The following CNTN4 variants were observed in gnomAD, a reference collection of about 807,000 sequenced individuals.
The protein encoded by CNTN4 is contactin-4.
In CNTN4, 77 loss-of-function variants were observed where a neutral mutation model predicts 122.5. The ratio of observed to expected loss-of-function variants is 0.63; its 90% CI spans 0.52 to 0.76. The LOEUF (loss-of-function observed/expected upper bound fraction) is 0.76, where lower values mean the gene tolerates loss of function less well. CNTN4 is among the 30% of genes least tolerant of loss of function. The pLI, the probability that CNTN4 is intolerant of heterozygous loss-of-function variation, is 0.00. For missense variants in CNTN4, 1,256 were observed against 1,259.1 expected, an observed-to-expected ratio of 1.00 and a Z score of 0.04; for synonymous variants, 512 against 447.0, an observed-to-expected ratio of 1.15 and a Z score of -1.83.
intron 3 of CNTN4, among the ~76,000 whole-genome samples, chr3:2,410,799 C>A (rs540138590): frequency 6.6e-5 from 10 of 152,188 alleles, no homozygotes; most frequent in African/African-American, 2.2e-4. Context: ...GGATAAATTA[C>A]CTCTTTCTAG....
intron 18 of CNTN4, chr3:3,037,633 C>CA (rs934247899): frequency 2.7e-4 from 104 of 385,614 alleles, no homozygotes; most frequent in East Asian, 3.4e-4. Context: ...AACAGAATTT[C>CA]AAAAAAAAAT....
Position 3,011,651 on chromosome 3 carries a change from T to C in CNTN4, c.1487-14451T>C, listed in dbSNP as rs190957045. On this transcript the variant is annotated intron_variant, in intron 14 of 24. Coordinates refer to ENST00000418658, the MANE Select transcript of CNTN4 (RefSeq NM_175607.3). ...CTAGCAACAACTTGTTTTGAGCATT[T>C]GTTACCAGTTTTAGTAGCTGTCATT... Among the ~76,000 whole-genome samples the C allele has an allele frequency of 9.2e-5, 14 of 152,302 alleles. No homozygotes were observed. The East Asian group carries it at 2.7e-3, about 29-fold the overall frequency.
At chr3:2,294,482 A>G (rs907809556) in intron 2 of CNTN4, among the ~76,000 whole-genome samples, 2 of 151,926 alleles carry the variant, frequency 1.3e-5, no homozygotes, top group Non-Finnish European at 2.9e-5. Context: ...GCATACAAAA[A>G]TTGCTGGGCA....
chr3:2,795,713 G>C (rs947677679), intron 6 of CNTN4, among the ~76,000 whole-genome samples: 3 of 151,742 alleles, frequency 2.0e-5, no homozygotes, highest in Non-Finnish European at 4.4e-5. Context: ...GTAGAGACGT[G>C]GTTTCACCGT....
chr3:2,806,012 C>T (rs1430200233), intron 6 of CNTN4, among the ~76,000 whole-genome samples: 3 of 152,144 alleles, frequency 2.0e-5, no homozygotes, highest in Non-Finnish European at 2.9e-5. Context: ...CGCCATTCTC[C>T]TGCCTCAGCC....
At chr3:2,696,728 T>G (rs1402732509) in intron 4 of CNTN4, among the ~76,000 whole-genome samples, 1 of 152,236 alleles carries the variant, frequency 6.6e-6, no homozygotes, top group Non-Finnish European at 1.5e-5. Context: ...TATGGAGGTT[T>G]GCCATTTGAG....
intron 2 of CNTN4, chr3:2,238,743 T>TC (rs1559368786): frequency 1.4e-5 from 1 of 72,602 alleles, no homozygotes; most frequent in African/African-American, 5.3e-5. Flanking sequence ...GTGTTTTTTT[T>TC]TTGAGACGGA....
Position 2,191,703 on chromosome 3 carries a change from T to C in CNTN4, c.-145+91064T>C, listed in dbSNP as rs868151713. ...TTTAACAAAATTCTATGTATATATA[T>C]ATATATACACACACACACACATACA... On this transcript the variant is annotated intron_variant, in intron 2 of 24. Coordinates refer to ENST00000418658, the MANE Select transcript of CNTN4 (RefSeq NM_175607.3). 7.5e-3 allele frequency among the ~76,000 whole-genome samples: 1,062 copies of C among 141,938 alleles called. 9 individuals are homozygous for C. The highest frequency in any genetic ancestry group is 0.028 in the East Asian group (138 of 4,862). 93.1% of individuals were successfully genotyped at this position (141,938 alleles called of 152,430 possible).
intron 2 of CNTN4, among the ~76,000 whole-genome samples, chr3:2,254,819 C>G (rs1053772420): frequency 6.6e-6 from 1 of 151,942 alleles, no homozygotes; most frequent in African/African-American, 2.4e-5. Context: ...CAAAAATTTT[C>G]TCTCATTCTA....
Position 2,709,051 on chromosome 3 carries a change from C to G in CNTN4, c.56-27164C>G, listed in dbSNP as rs1455128691. 1.3e-5 allele frequency among the ~76,000 whole-genome samples: 2 copies of G among 152,082 alleles called. No homozygotes were observed. Among genetic ancestry groups the G allele is most frequent in the Non-Finnish European group, 2.9e-5 (2 of 68,018 alleles). On this transcript the variant is annotated intron_variant, in intron 4 of 24. Coordinates refer to ENST00000418658, the MANE Select transcript of CNTN4 (RefSeq NM_175607.3). The surrounding 1 kb of genome is among the most constrained non-coding windows in gnomAD (Gnocchi z 5.0). ...ATGATATATCTCTTCTCAGATATCT[C>G]ATAGACCATCCCCCCTCTGCTGCCA...
chr3:2,996,546 AAAAC>A (rs925779762), intron 14 of CNTN4, among the ~76,000 whole-genome samples: 10 of 152,336 alleles, frequency 6.6e-5, no homozygotes, highest in South Asian at 2.1e-4. Context: ...CAGAATAAAC[AAAAC>A]AAACAAACAA....
At chr3:2,393,223 A>G (rs1280178375) in intron 3 of CNTN4, among the ~76,000 whole-genome samples, 1 of 148,938 alleles carries the variant, frequency 6.7e-6, no homozygotes, top group South Asian at 2.2e-4. Flanking sequence ...TCCTATTTTT[A>G]TGAGAATACC....
At chr3:2,941,904 C>T (rs577594171) in intron 13 of CNTN4, among the ~76,000 whole-genome samples, 2 of 152,296 alleles carry the variant, frequency 1.3e-5, no homozygotes, top group Middle Eastern at 3.4e-3. Flanking sequence ...CCTACCTGTA[C>T]GTGCCAGAGG....
intron 3 of CNTN4, among the ~76,000 whole-genome samples, chr3:2,405,443 T>C (rs1315121192): frequency 2.6e-5 from 4 of 152,048 alleles, no homozygotes; most frequent in African/African-American, 4.8e-5. Context: ...CCTCAAAAAG[T>C]AAGAGTGCAT....
chr3:2,953,414 G>A (rs1187946685), intron 13 of CNTN4, among the ~76,000 whole-genome samples: 1 of 151,698 alleles, frequency 6.6e-6, no homozygotes, highest in African/African-American at 2.4e-5. Context: ...TTGGCATCCA[G>A]GACCGCATAG....
At chr3:2,165,607 ACATTAGGTATCCAGAAATCATTCATT>A (rs1320965783) in intron 2 of CNTN4, among the ~76,000 whole-genome samples, 2 of 152,170 alleles carry the variant, frequency 1.3e-5, no homozygotes, top group Non-Finnish European at 2.9e-5. Context: ...ACCATGCTGT[ACATTAGGTATCCAGAAATCATTCATT>A]CATTAGGTAT....
chr3:2,745,168 A>C (rs1449446086), intron 5 of CNTN4, among the ~76,000 whole-genome samples: 3 of 152,188 alleles, frequency 2.0e-5, no homozygotes, highest in African/African-American at 7.2e-5. Context: ...TGCAAACTAG[A>C]AGGACTTTTA....
At chr3:2,500,521 C>G (rs1378307026) in intron 3 of CNTN4, among the ~76,000 whole-genome samples, 2 of 152,058 alleles carry the variant, frequency 1.3e-5, no homozygotes, top group Admixed American at 6.6e-5. Context: ...TGCATACAAT[C>G]TAATTGTTAT....
intron 13 of CNTN4, among the ~76,000 whole-genome samples, chr3:2,943,438 T>C (rs139719270): frequency 2.6e-4 from 40 of 152,058 alleles, no homozygotes; most frequent in Non-Finnish European, 4.9e-4. Flanking sequence ...GAGAGCACAG[T>C]CAAGTGAGAA....
Sources: gnomAD v4.1 joint callset for allele counts (sites outside exome capture counted in the v4.1 genomes callset) on GRCh38, gnomAD v4.1.1 for gene constraint, Gnocchi (gnomAD v3.1) non-coding constraint, MANE v1.5 for transcripts, NCBI Gene and HGNC (gene_info 2026-07-23, HGNC 2026-07-21) for gene names.